The following SRI variants were observed in gnomAD, a reference collection of about 807,000 sequenced individuals.
SRI encodes sorcin, also known as 22 kDa protein.
Under a neutral mutation model 33.3 loss-of-function variants are expected in SRI, and 30 were observed. The observed-to-expected ratio is 0.90, with a 90% confidence interval of 0.67 to 1.22. The LOEUF is 1.22. Ranked by LOEUF, SRI falls within the 50% of genes most tolerant of loss-of-function variation. The probability of loss-of-function intolerance (pLI) is 0.00; values close to 1 mark genes in which losing one functional copy is unlikely to be tolerated. For missense variants in SRI, 243 were observed against 250.8 expected, an observed-to-expected ratio of 0.97 and a Z score of 0.21; for synonymous variants, 75 against 89.9, an observed-to-expected ratio of 0.83 and a Z score of 0.94.
intron 6 of SRI, chr7:88,208,889 T>C (rs761437335): frequency 2.9e-6 from 1 of 339,922 alleles, no homozygotes; most frequent in Non-Finnish European, 5.5e-6. Context: ...AGCACCGAAT[T>C]TCTAGCTTCT....
At chr7:88,209,517 A>T (rs1261872826) in intron 5 of SRI, 65 bp from the exon 6 acceptor site, 4 of 1,225,222 alleles carry the variant, frequency 3.3e-6, no homozygotes, top group Non-Finnish European at 4.8e-6. Context: ...AAATAAAATA[A>T]TCAAGCACTA....
chr7:88,208,454 C>T, intron 7 of SRI, 53 bp downstream of exon 7: 1 of 1,607,314 alleles, frequency 6.2e-7, no homozygotes, highest in East Asian at 2.2e-5. Context: ...AAGGGATACC[C>T]ATCTGGTGTA....
intron 6 of SRI, 57 bp downstream of exon 6, chr7:88,209,282 A>G (rs776770131): frequency 7.2e-7 from 1 of 1,397,032 alleles, no homozygotes; most frequent in South Asian, 1.2e-5. Context: ...TGAGAGATGA[A>G]ATGTAATAAA....
chr7:88,221,814 A>T (rs945063018), upstream of SRI, among the ~76,000 whole-genome samples: 1 of 147,552 alleles, frequency 6.8e-6, no homozygotes, highest in African/African-American at 2.5e-5. Context: ...CATTAGGTAT[A>T]TCTCCCAATG....
upstream of SRI, among the ~76,000 whole-genome samples, chr7:88,222,257 C>A (rs1356274204): frequency 1.3e-5 from 2 of 150,662 alleles, no homozygotes; most frequent in Non-Finnish European, 2.9e-5. Context: ...CCTGAGGAAT[C>A]GCCACACTGA....
At chr7:88,226,463 A>G (rs73204176) in intron 1 of SRI, among the ~76,000 whole-genome samples, 7,270 of 152,226 alleles carry the variant, frequency 0.048, 192 homozygotes, top group South Asian at 0.11. Context: ...GGAGGGGAAG[A>G]TAATACAATC....
chr7:88,221,279 G>C (rs1040347348), upstream of SRI, among the ~76,000 whole-genome samples: 3 of 152,084 alleles, frequency 2.0e-5, no homozygotes, highest in Non-Finnish European at 4.4e-5. Context: ...AACTTCCCTC[G>C]CAAGCCCTTT....
At position 88,209,979 on chromosome 7, in the gene SRI, C is replaced by T; in HGVS notation, c.397+4G>A. On this transcript the variant is annotated splice_donor_region_variant and intron_variant, in intron 5 of 7. Transcript: ENST00000265729. Reference sequence around the variant, plus strand: ...AATGGAGAGTTCTAGTAAGCCATACCTACCCATTGTTGTCAGGGCCTTCTG... The same window carrying T: ...AATGGAGAGTTCTAGTAAGCCATACTTACCCATTGTTGTCAGGGCCTTCTG... 1.2e-6 allele frequency: 2 copies of T among 1,614,096 alleles called. No individual in the cohort carries two copies. The highest frequency in any genetic ancestry group is 8.5e-7 in the Non-Finnish European group (1 of 1,179,988).
chr7:88,220,086 C>T, upstream of SRI: 1 of 1,459,532 alleles, frequency 6.9e-7, no homozygotes, highest in Non-Finnish European at 9.0e-7. Context: ...GCCCCCTGCC[C>T]CGCCCCGCCC....
intron 2 of SRI, 126 bp downstream of exon 2, chr7:88,218,733 T>C (rs1469422587): frequency 1.2e-6 from 1 of 810,030 alleles, no homozygotes; most frequent in Admixed American, 2.6e-5. Flanking sequence ...GAAACAACTT[T>C]TTTTTTCTTT....
intron 5 of SRI, 118 bp from the exon 6 acceptor site, chr7:88,209,570 A>T: frequency 1.4e-6 from 1 of 738,670 alleles, no homozygotes; most frequent in Non-Finnish European, 2.3e-6. Context: ...TTATGAACAC[A>T]CACAATTTCT....
chr7:88,215,306 G>T (rs1851679958), intron 3 of SRI, among the ~76,000 whole-genome samples: 1 of 152,124 alleles, frequency 6.6e-6, no homozygotes, highest in South Asian at 2.1e-4. Flanking sequence ...CACTAAATGT[G>T]GCTTTCTCAA....
chr7:88,206,406 G>T lies in SRI; in HGVS notation c.*72C>A, dbSNP rs1284123532. The stretch of plus-strand genomic sequence containing the variant: ...GTGATGTAAGTTTATACATATTACC[G>T]AAGGCAAAGAGGACAAGCAAAGGAG... On this transcript the variant is annotated 3_prime_UTR_variant, in exon 8 of 8. Transcript: ENST00000265729. 2 of 1,563,974 alleles carry T rather than the reference G, an allele frequency of 1.3e-6. No individual in the cohort carries two copies. Among genetic ancestry groups the T allele is most frequent in the African/African-American group, 2.7e-5 (2 of 73,960 alleles).
chr7:88,224,459 A>G (rs147366599), upstream of SRI, among the ~76,000 whole-genome samples: 139 of 152,274 alleles, frequency 9.1e-4, no homozygotes, highest in African/African-American at 3.3e-3. Context: ...TTAAAGTTTC[A>G]ATTTTTGTTT....
upstream of SRI, among the ~76,000 whole-genome samples, chr7:88,220,264 C>T (rs43100): frequency 0.25 from 38,202 of 152,174 alleles, 5,773 homozygotes; most frequent in East Asian, 0.75. Context: ...GGTCCAGTGG[C>T]GGCCTACGAC....
chr7:88,213,803 A>C (rs1851639881), intron 3 of SRI, among the ~76,000 whole-genome samples: 1 of 152,214 alleles, frequency 6.6e-6, no homozygotes, highest in Admixed American at 6.5e-5. Flanking sequence ...TTTTTGAATA[A>C]AATTTTCTAA....
chr7:88,213,052 G>A (rs548122263), intron 3 of SRI, among the ~76,000 whole-genome samples: 2 of 152,176 alleles, frequency 1.3e-5, no homozygotes, highest in East Asian at 1.9e-4. Flanking sequence ...AGAAACCTGG[G>A]AGCCTCCTCA....
Position 88,205,648 on chromosome 7 carries a change from G to A in SRI, c.*830C>T, listed in dbSNP as rs1008881412. The A allele has an allele frequency of 5.9e-5, 9 of 152,178 alleles. No individual in the cohort carries two copies. The highest frequency in any genetic ancestry group is 2.0e-4 in the Admixed American group (3 of 15,276). The allele number at this position is 152,178 out of a possible 1,614,324, so 9.4% of individuals were successfully genotyped here. On this transcript the variant is annotated 3_prime_UTR_variant, in exon 8 of 8. Coordinates refer to ENST00000265729, the MANE Select transcript of SRI (RefSeq NM_003130.4). ...TACATACTTTCCGATACTCTGCTATGTGTATTTTTTAAAGTGTGAATACAT... is the reference window on the plus strand; with the variant it reads ...TACATACTTTCCGATACTCTGCTATATGTATTTTTTAAAGTGTGAATACAT...
At position 88,209,324 on chromosome 7, in the gene SRI, C is replaced by G; in HGVS notation, c.511+15G>C. ...GTCTTGGCTTGTGGTGATGACACGA[C>G]CTTATAGAACTCACCTGTAAGAGCC... On this transcript the variant is annotated intron_variant, in intron 6 of 7. Coordinates refer to ENST00000265729, the MANE Select transcript of SRI (RefSeq NM_003130.4). 1.2e-6 allele frequency: 2 copies of G among 1,602,936 alleles called. No homozygotes were observed. Among genetic ancestry groups the G allele is most frequent in the Non-Finnish European group, 1.7e-6 (2 of 1,169,932 alleles).
Sources: gnomAD v4.1 joint callset for allele counts (sites outside exome capture counted in the v4.1 genomes callset) on GRCh38, gnomAD v4.1.1 for gene constraint, MANE v1.5 for transcripts, NCBI Gene and HGNC (gene_info 2026-07-23, HGNC 2026-07-21) for gene names.